NRXN3: variants seen among roughly 807,000 people sequenced by gnomAD.
The protein encoded by NRXN3 is neurexin III.
In NRXN3, 32 loss-of-function variants were observed where a neutral mutation model predicts 137.6. The observed-to-expected ratio is 0.23, with a 90% CI of 0.18 to 0.31. The LOEUF is 0.31. Ranked by LOEUF, NRXN3 falls within the 10% of genes least tolerant of loss-of-function variation. NRXN3 has a pLI of 1.00. For synonymous variants in NRXN3, 798 were observed against 784.5 expected, an observed-to-expected ratio of 1.02 and a Z score of -0.29; for missense variants, 1,574 against 2,062.5, an observed-to-expected ratio of 0.76 and a Z score of 4.59.
intron 19 of NRXN3, among the ~76,000 whole-genome samples, chr14:79,793,245 C>T (rs1363415174): frequency 6.6e-6 from 1 of 151,942 alleles, no homozygotes; most frequent in East Asian, 1.9e-4. Context: ...TCCTGGCTAA[C>T]CCGGTGAAAC....
At chr14:79,457,997 C>G (rs745918291) in intron 15 of NRXN3, among the ~76,000 whole-genome samples, 1 of 151,896 alleles carries the variant, frequency 6.6e-6, no homozygotes, top group African/African-American at 2.4e-5. Context: ...TTTGTTTTTC[C>G]TTTATTCATT....
chr14:78,923,150 G>C (rs548263630), intron 10 of NRXN3, among the ~76,000 whole-genome samples: 6 of 152,086 alleles, frequency 3.9e-5, no homozygotes, highest in Non-Finnish European at 8.8e-5. Context: ...GTGCTGCCTC[G>C]AGCCCACAAG....
chr14:78,233,038 C>G (rs925607250), intron 1 of NRXN3, among the ~76,000 whole-genome samples: 3 of 152,158 alleles, frequency 2.0e-5, no homozygotes, highest in Non-Finnish European at 4.4e-5. Flanking sequence ...CAGGGTGCAA[C>G]AACTAGGCTA....
intron 15 of NRXN3, among the ~76,000 whole-genome samples, chr14:79,089,308 C>G (rs2202175): frequency 6.6e-6 from 1 of 151,810 alleles, no homozygotes; most frequent in East Asian, 1.9e-4. Flanking sequence ...GCTTTGAGCT[C>G]CCGAGAATGC....
At chr14:78,352,083 G>T (rs1235793670) in intron 4 of NRXN3, among the ~76,000 whole-genome samples, 3 of 48,588 alleles carry the variant, frequency 6.2e-5, no homozygotes, top group Admixed American at 6.1e-4. Flanking sequence ...GTCAGACTCT[G>T]TCTTAAAAGA....
At chr14:78,304,623 C>T (rs889821048) in intron 4 of NRXN3, among the ~76,000 whole-genome samples, 10 of 152,130 alleles carry the variant, frequency 6.6e-5, no homozygotes, top group Non-Finnish European at 8.8e-5. Flanking sequence ...AGGGATTGCC[C>T]GTTCTGGATG....
intron 15 of NRXN3, among the ~76,000 whole-genome samples, chr14:79,252,590 T>G (rs1597848952): frequency 1.1e-4 from 15 of 139,156 alleles, no homozygotes; most frequent in African/African-American, 1.6e-4. Flanking sequence ...TGGTGGGAGG[T>G]GGGTAGGGAT....
At position 78,437,098 on chromosome 14, in the gene NRXN3, T is replaced by C. The variant is rs185378264; in HGVS notation, c.757+139238T>C. Among the ~76,000 whole-genome samples the C allele has an allele frequency of 3.1e-3, 466 of 152,308 alleles. 4 individuals are homozygous for C. The highest frequency in any genetic ancestry group is 0.011 in the African/African-American group (451 of 41,574). On this transcript the variant is annotated intron_variant, in intron 4 of 20. Transcript: ENST00000335750. ...CATCCCCTTCATGTGGTTGTTATGATGATCAAGAGGCTGTCCTTTGGAAGA... is the reference window on the plus strand; with the variant it reads ...CATCCCCTTCATGTGGTTGTTATGACGATCAAGAGGCTGTCCTTTGGAAGA...
chr14:78,205,862 A>G (rs2062134146), intron 1 of NRXN3, among the ~76,000 whole-genome samples: 1 of 152,212 alleles, frequency 6.6e-6, no homozygotes, highest in Non-Finnish European at 1.5e-5. Flanking sequence ...GGAATGGGTG[A>G]GAGAGGACCA....
At chr14:78,517,227 C>T (rs1347967638) in intron 4 of NRXN3, among the ~76,000 whole-genome samples, 1 of 151,918 alleles carries the variant, frequency 6.6e-6, no homozygotes, top group Non-Finnish European at 1.5e-5. Flanking sequence ...GGAGTATGGC[C>T]AATAACTTTA....
intron 5 of NRXN3, among the ~76,000 whole-genome samples, chr14:78,648,605 T>C (rs1406822591): frequency 1.3e-5 from 2 of 152,160 alleles, no homozygotes; most frequent in African/African-American, 2.4e-5. Context: ...AAAAATGAAA[T>C]AGGCTGTAGA....
chr14:78,935,975 G>A (rs1171611432), intron 10 of NRXN3, among the ~76,000 whole-genome samples: 1 of 152,164 alleles, frequency 6.6e-6, no homozygotes, highest in Non-Finnish European at 1.5e-5. Context: ...TCCTTTCTAA[G>A]TAAGTTGAAT....
intron 19 of NRXN3, among the ~76,000 whole-genome samples, chr14:79,796,854 T>C (rs1236664524): frequency 6.6e-6 from 1 of 152,192 alleles, no homozygotes; most frequent in Non-Finnish European, 1.5e-5. Context: ...TAGTCTGCTG[T>C]CTTTAGTGAC....
At chr14:78,398,639 T>C (rs906234097) in intron 4 of NRXN3, among the ~76,000 whole-genome samples, 1 of 152,186 alleles carries the variant, frequency 6.6e-6, no homozygotes, top group Non-Finnish European at 1.5e-5. Context: ...GTGGCCTCCA[T>C]TGATACTGTG....
At chr14:79,789,518 AG>A (rs1336950018) in intron 19 of NRXN3, among the ~76,000 whole-genome samples, 2 of 152,152 alleles carry the variant, frequency 1.3e-5, no homozygotes, top group Non-Finnish European at 2.9e-5. Context: ...AGCATCCCCA[AG>A]GGCTGCTAGT....
At chr14:79,831,179 C>A (rs1190705937) in intron 20 of NRXN3, among the ~76,000 whole-genome samples, 1 of 152,156 alleles carries the variant, frequency 6.6e-6, no homozygotes, top group Non-Finnish European at 1.5e-5. Flanking sequence ...TGCTTTATCA[C>A]CAGCTGTGTC....
rs549856755 is a variant in NRXN3, at chr14:79,395,106, C to T, written c.3263-72115C>T. 2.0e-5 allele frequency among the ~76,000 whole-genome samples: 3 copies of T among 152,320 alleles called. No homozygotes were observed. In the South Asian group the frequency reaches 6.2e-4, roughly 32 times the overall value. ...GAGCCAGTTAACAACATCTTTGGAA[C>T]AACCATCCTGTGTGGAGCATTGTGC... On this transcript the variant is annotated intron_variant, in intron 15 of 20. Transcript: ENST00000335750.
At chr14:79,218,187 C>T (rs775352976) in intron 15 of NRXN3, among the ~76,000 whole-genome samples, 7 of 152,080 alleles carry the variant, frequency 4.6e-5, no homozygotes, top group Non-Finnish European at 7.4e-5. Flanking sequence ...AGTTTGCACC[C>T]GAAAGCGTTT....
At chr14:78,267,056 AG>A (rs1406750763) in intron 2 of NRXN3, among the ~76,000 whole-genome samples, 2 of 152,150 alleles carry the variant, frequency 1.3e-5, no homozygotes, top group Non-Finnish European at 2.9e-5. Flanking sequence ...TCAACCATAA[AG>A]TTCTTTCTAT....
Sources: allele counts gnomAD v4.1 joint callset (sites outside exome capture counted in the v4.1 genomes callset), GRCh38; gene constraint gnomAD v4.1.1; transcripts MANE v1.5; gene names NCBI Gene and HGNC (gene_info 2026-07-23, HGNC 2026-07-21).